SEMA6D: variants seen among roughly 807,000 people sequenced by gnomAD.
SEMA6D encodes semaphorin 6D, also known as semaphorin-6D.
SEMA6D carries 35 observed loss-of-function variants against 106.6 expected under a neutral mutation model. That is an observed-to-expected ratio of 0.33 (90% confidence interval 0.25 to 0.44). The LOEUF is 0.44. SEMA6D is among the 20% of genes least tolerant of loss of function. The pLI, the probability that SEMA6D is intolerant of heterozygous loss-of-function variation, is 1.00. For missense variants in SEMA6D, 1,185 were observed against 1,345.9 expected (o/e 0.88, Z 1.87); for synonymous variants, 499 against 487.7 (o/e 1.02, Z -0.31).
At chr15:47,661,535 G>T (rs1004856203) in intron 4 of SEMA6D, among the ~76,000 whole-genome samples, 1 of 152,352 alleles carries the variant, frequency 6.6e-6, no homozygotes, top group Non-Finnish European at 1.5e-5. Flanking sequence ...TCTCCTGAAG[G>T]GAGGAACTCA....
chr15:47,490,792 T>C (rs1362395984), intron 3 of SEMA6D, among the ~76,000 whole-genome samples: 1 of 152,108 alleles, frequency 6.6e-6, no homozygotes, highest in African/African-American at 2.4e-5. Flanking sequence ...AAAAAATGAA[T>C]GAAAAAACTC....
At chr15:47,768,164 T>C (rs1264524012) in intron 17 of SEMA6D, among the ~76,000 whole-genome samples, 1 of 152,202 alleles carries the variant, frequency 6.6e-6, no homozygotes, top group East Asian at 1.9e-4. Context: ...CCATCATAGC[T>C]TCTTCCCCAG....
At chr15:47,345,512 A>G (rs1310588892) in intron 1 of SEMA6D, among the ~76,000 whole-genome samples, 1 of 152,198 alleles carries the variant, frequency 6.6e-6, no homozygotes, top group African/African-American at 2.4e-5. Flanking sequence ...CATGCAAAAA[A>G]AAATTTTGAT....
intron 1 of SEMA6D, among the ~76,000 whole-genome samples, chr15:47,204,909 CA>C (rs1004310996): frequency 6.6e-6 from 1 of 151,818 alleles, no homozygotes; most frequent in African/African-American, 2.4e-5. Flanking sequence ...GATTTGAACC[CA>C]AAAAAGTTAG....
At chr15:47,430,357 C>G (rs2041482192) in intron 2 of SEMA6D, among the ~76,000 whole-genome samples, 1 of 152,016 alleles carries the variant, frequency 6.6e-6, no homozygotes, top group South Asian at 2.1e-4. Context: ...AACTCTGTCC[C>G]TTTCTTGATG....
intron 2 of SEMA6D, among the ~76,000 whole-genome samples, chr15:47,442,623 A>G (rs1794845154): frequency 6.6e-6 from 1 of 152,068 alleles, no homozygotes; most frequent in Non-Finnish European, 1.5e-5. Context: ...AAAGTTGTAA[A>G]TATTATGTTG....
chr15:47,363,640 T>C (rs281269), intron 1 of SEMA6D, among the ~76,000 whole-genome samples: 98,875 of 151,974 alleles, frequency 0.65, 32,871 homozygotes, highest in Non-Finnish European at 0.72. Flanking sequence ...GATTTCATCA[T>C]TGTGCCAGTG....
intron 3 of SEMA6D, among the ~76,000 whole-genome samples, chr15:47,571,303 G>A (rs890070859): frequency 6.6e-6 from 1 of 152,194 alleles, no homozygotes; most frequent in Admixed American, 6.5e-5. Context: ...TTGGAAGAAA[G>A]CATTTGAAAA....
chr15:47,433,709 A>T (rs2041611640), intron 2 of SEMA6D, among the ~76,000 whole-genome samples: 1 of 152,164 alleles, frequency 6.6e-6, no homozygotes, highest in African/African-American at 2.4e-5. Context: ...GTTGCAGAGT[A>T]TGGGAGATAC....
chr15:47,617,585 T>C (rs2077029510), intron 4 of SEMA6D, among the ~76,000 whole-genome samples: 1 of 152,216 alleles, frequency 6.6e-6, no homozygotes, highest in East Asian at 1.9e-4. Context: ...TTTCCCACTT[T>C]AGAACATACA....
intron 4 of SEMA6D, among the ~76,000 whole-genome samples, chr15:47,666,783 G>T (rs1196045253): frequency 6.6e-6 from 1 of 152,138 alleles, no homozygotes; most frequent in Admixed American, 6.5e-5. Flanking sequence ...AGCAAATGAA[G>T]CTACTCAATG....
intron 1 of SEMA6D, among the ~76,000 whole-genome samples, chr15:47,739,527 C>G (rs1455488475): frequency 6.6e-6 from 1 of 152,116 alleles, no homozygotes; most frequent in Non-Finnish European, 1.5e-5. Flanking sequence ...AGTGGTGGGT[C>G]TGAGCATGTG....
rs531020839 is a variant in SEMA6D at position 47,493,883 on chromosome 15, C to G, written c.-87+23338C>G. Reference sequence around the variant, plus strand: ...GTGCATTGGAGTTCTTTGTAAAATTCATGGCCAAACTGTTGGGAATGGAAG... The same window carrying G: ...GTGCATTGGAGTTCTTTGTAAAATTGATGGCCAAACTGTTGGGAATGGAAG... On this transcript the variant is annotated intron_variant, in intron 3 of 19. Transcript: ENST00000558014. Among the ~76,000 whole-genome samples the G allele has an allele frequency of 1.2e-4, 18 of 152,212 alleles. No homozygotes were observed. The East Asian group carries it at 3.5e-3, about 29-fold the overall frequency.
At chr15:47,574,346 C>A (rs1372390928) in intron 3 of SEMA6D, among the ~76,000 whole-genome samples, 2 of 152,158 alleles carry the variant, frequency 1.3e-5, no homozygotes, top group Non-Finnish European at 2.9e-5. Flanking sequence ...GAAAGGGAGA[C>A]CTCAGCTGGC....
At chr15:47,518,764 C>T (rs561190397) in intron 3 of SEMA6D, among the ~76,000 whole-genome samples, 1 of 152,232 alleles carries the variant, frequency 6.6e-6, no homozygotes, top group African/African-American at 2.4e-5. Context: ...CATTGTCTTC[C>T]ACCTCCTTAT....
intron 4 of SEMA6D, among the ~76,000 whole-genome samples, chr15:47,669,342 G>T (rs4369600): frequency 6.6e-6 from 1 of 152,222 alleles, no homozygotes; most frequent in South Asian, 2.1e-4. Flanking sequence ...TTCTTCATCA[G>T]CTGTAAACTC....
intron 1 of SEMA6D, among the ~76,000 whole-genome samples, chr15:47,726,898 C>G (rs2079792841): frequency 6.6e-6 from 1 of 152,180 alleles, no homozygotes; most frequent in Admixed American, 6.5e-5. Context: ...GCCAGTTCCA[C>G]AACAGCTACC....
At chr15:47,731,613 G>A (rs1196630012) in intron 1 of SEMA6D, among the ~76,000 whole-genome samples, 1 of 152,174 alleles carries the variant, frequency 6.6e-6, no homozygotes, top group Non-Finnish European at 1.5e-5. Context: ...TGAATTATCT[G>A]ATCCATGGGA....
intron 1 of SEMA6D, among the ~76,000 whole-genome samples, chr15:47,261,920 T>G (rs1218727136): frequency 3.9e-5 from 6 of 152,284 alleles, no homozygotes; most frequent in Admixed American, 2.6e-4. Flanking sequence ...GTTTTTCTAT[T>G]TATCAGGTGG....
Sources: gnomAD v4.1 joint callset for allele counts (sites outside exome capture counted in the v4.1 genomes callset) on GRCh38, gnomAD v4.1.1 for gene constraint, MANE v1.5 for transcripts, NCBI Gene and HGNC (gene_info 2026-07-23, HGNC 2026-07-21) for gene names.